CELF2: variants seen among roughly 807,000 people sequenced by gnomAD.
CELF2 encodes CUGBP Elav-like family member 2, also known as CUG triplet repeat RNA-binding protein 2.
Under a neutral mutation model 62.6 loss-of-function variants are expected in CELF2, and 8 were observed. The ratio of observed to expected loss-of-function variants is 0.13; its 90% CI spans 0.07 to 0.23. The LOEUF (loss-of-function observed/expected upper bound fraction) is 0.23. CELF2 is among the 10% of genes least tolerant of loss of function. The probability of loss-of-function intolerance (pLI) is 1.00; values close to 1 mark genes in which losing one functional copy is unlikely to be tolerated. For missense variants in CELF2, 333 were observed against 671.0 expected, an observed-to-expected ratio of 0.50 and a Z score of 5.56; for synonymous variants, 258 against 250.0, an observed-to-expected ratio of 1.03 and a Z score of -0.30.
At chr10:10,655,166 T>C in the CELF2 span, among the ~76,000 whole-genome samples, 33 of 148,284 alleles carry the variant, frequency 2.2e-4, 1 homozygote, top group African/African-American at 7.7e-4. Flanking sequence ...TTACAAGGGA[T>C]GTGAAGGACC....
At chr10:10,772,948 A>G in the CELF2 span, among the ~76,000 whole-genome samples, 318 of 152,350 alleles carry the variant, frequency 2.1e-3, 1 homozygote, top group Admixed American at 3.1e-3. Context: ...ATTTTTATAT[A>G]GTAGAAGAAA....
At chr10:10,689,901 A>G in the CELF2 span, among the ~76,000 whole-genome samples, 1 of 152,242 alleles carries the variant, frequency 6.6e-6, no homozygotes, top group Admixed American at 6.5e-5. Flanking sequence ...ATCCCACAGG[A>G]AGTATTTCAT....
In CELF2 at chr10:11,242,510, G is replaced by T. The variant is rs777002052; in HGVS notation, c.355-6643G>T. On this transcript the variant is annotated intron_variant, in intron 3 of 12. Transcript: ENST00000633077. The surrounding 1 kb of genome is among the most constrained non-coding windows in gnomAD (Gnocchi z 4.8). ...AGTGGCGACTCTGGAGAGTATAGCT[G>T]CTGGGTGCAGCTGCTCCGTGGCCAG... Among the ~76,000 whole-genome samples the T allele has an allele frequency of 6.6e-6, 1 of 152,184 alleles. No homozygotes were observed. Among genetic ancestry groups the T allele is most frequent in the Non-Finnish European group, 1.5e-5 (1 of 68,020 alleles).
At chr10:10,728,244 G>A in the CELF2 span, among the ~76,000 whole-genome samples, 2 of 151,106 alleles carry the variant, frequency 1.3e-5, no homozygotes, top group African/African-American at 4.9e-5. Context: ...TTTGAGACCA[G>A]CCTGACCAAC....
the CELF2 span, among the ~76,000 whole-genome samples, chr10:10,489,180 C>T: frequency 6.6e-6 from 1 of 152,046 alleles, no homozygotes; most frequent in African/African-American, 2.4e-5. Flanking sequence ...TAACCTACAC[C>T]CTACAGAACT....
At chr10:11,100,175 G>A (rs2051142802) in intron 1 of CELF2, among the ~76,000 whole-genome samples, 1 of 151,972 alleles carries the variant, frequency 6.6e-6, no homozygotes, top group Admixed American at 6.6e-5. Context: ...CTGCACTCCA[G>A]CCTGGGTGAC....
At chr10:11,111,932 G>A (rs988996061) in intron 1 of CELF2, among the ~76,000 whole-genome samples, 2 of 152,240 alleles carry the variant, frequency 1.3e-5, no homozygotes, top group Admixed American at 1.3e-4. Context: ...CTATTCTTTT[G>A]ACAGTCAGTG....
chr10:11,131,172 G>A (rs941595759), intron 1 of CELF2, among the ~76,000 whole-genome samples: 9 of 152,328 alleles, frequency 5.9e-5, no homozygotes, highest in South Asian at 2.1e-4. Flanking sequence ...TGAATTGGGC[G>A]TGATATCGAT....
chr10:11,051,771 C>T (rs1452878788), intron 1 of CELF2, among the ~76,000 whole-genome samples: 3 of 152,142 alleles, frequency 2.0e-5, no homozygotes, highest in Non-Finnish European at 1.5e-5. Flanking sequence ...GAAGATGAAA[C>T]GTTTGAGCTT....
the CELF2 span, among the ~76,000 whole-genome samples, chr10:10,583,030 G>A: frequency 1.4e-4 from 22 of 152,268 alleles, no homozygotes; most frequent in Non-Finnish European, 2.1e-4. Flanking sequence ...TCAAGACCAC[G>A]TAGCATAAAG....
rs138160843 is a variant in CELF2, at chr10:11,244,709, G to A, written c.355-4444G>A. ...AACAACAACTTCCGTTGCTTCCTCTGTTGGTTAGGATATCGTATCATTGTT... is the reference window on the plus strand; with the variant it reads ...AACAACAACTTCCGTTGCTTCCTCTATTGGTTAGGATATCGTATCATTGTT... On this transcript the variant is annotated intron_variant, in intron 3 of 12. Coordinates refer to ENST00000633077, the MANE Select transcript of CELF2 (RefSeq NM_001326342.2). The surrounding 1 kb of genome is among the most constrained non-coding windows in gnomAD (Gnocchi z 4.2). Among the ~76,000 whole-genome samples, 1 of 151,148 alleles carries A rather than the reference G, an allele frequency of 6.6e-6. No individual in the cohort carries two copies. Among genetic ancestry groups the A allele is most frequent in the Non-Finnish European group, 1.5e-5 (1 of 67,832 alleles).
upstream of CELF2, chr10:10,798,417 G>A (rs1190116478): frequency 9.2e-6 from 2 of 217,542 alleles, no homozygotes; most frequent in Admixed American, 1.2e-4. Flanking sequence ...GGCTTGATCT[G>A]TGTTTGTTCC....
chr10:10,489,915 GGT>G, the CELF2 span, among the ~76,000 whole-genome samples: 3 of 151,880 alleles, frequency 2.0e-5, no homozygotes, highest in Non-Finnish European at 4.4e-5. Flanking sequence ...GGGGAGGGTG[GGT>G]GGATTTCTAT....
the CELF2 span, among the ~76,000 whole-genome samples, chr10:10,636,933 C>A: frequency 1.3e-5 from 2 of 152,128 alleles, no homozygotes; most frequent in Admixed American, 6.6e-5. Flanking sequence ...TTAAACGTGT[C>A]TCCTCCTAGG....
At chr10:11,128,842 C>T (rs934212176) in intron 1 of CELF2, among the ~76,000 whole-genome samples, 5 of 152,292 alleles carry the variant, frequency 3.3e-5, no homozygotes, top group Non-Finnish European at 2.9e-5. Flanking sequence ...ATTTGACTTC[C>T]TCCTTTCCTA....
At chr10:10,462,685 G>A in the CELF2 span, among the ~76,000 whole-genome samples, 1 of 130,610 alleles carries the variant, frequency 7.7e-6, no homozygotes, top group Admixed American at 9.4e-5. Context: ...GTCTAATGCA[G>A]TCATAAGCGT....
At chr10:11,036,314 T>C (rs947108498) in intron 1 of CELF2, among the ~76,000 whole-genome samples, 39 of 152,244 alleles carry the variant, frequency 2.6e-4, no homozygotes, top group African/African-American at 9.2e-4. Flanking sequence ...TTAGAGGCTA[T>C]AGCTTCTACT....
chr10:10,714,206 C>A, the CELF2 span, among the ~76,000 whole-genome samples: 10 of 152,178 alleles, frequency 6.6e-5, no homozygotes, highest in East Asian at 1.7e-3. Context: ...TCAAGAAAAG[C>A]TTTTAAATTT....
intron 1 of CELF2, among the ~76,000 whole-genome samples, chr10:11,028,933 C>T (rs191748387): frequency 9.1e-4 from 138 of 152,246 alleles, no homozygotes; most frequent in East Asian, 7.9e-3. Flanking sequence ...AGGCTAGTCT[C>T]GAACTCCTGA....
Sources: allele counts gnomAD v4.1 joint callset (sites outside exome capture counted in the v4.1 genomes callset), GRCh38; gene constraint gnomAD v4.1.1; non-coding constraint Gnocchi (gnomAD v3.1); transcripts MANE v1.5; gene names NCBI Gene and HGNC (gene_info 2026-07-23, HGNC 2026-07-21).